Variants in DPT observed in about 807,000 individuals in gnomAD.
The protein encoded by DPT is tyrosine-rich acidic matrix protein.
DPT carries 21 observed loss-of-function variants against 31.2 expected under a neutral mutation model. The observed-to-expected ratio is 0.67, with a 90% CI of 0.48 to 0.97. The LOEUF is 0.97. DPT is among the 50% of genes least tolerant of loss of function. The pLI is 0.00. For missense variants in DPT, 262 were observed against 258.8 expected, an observed-to-expected ratio of 1.01 and a Z score of -0.08; for synonymous variants, 91 against 86.9, an observed-to-expected ratio of 1.05 and a Z score of -0.26.
chr1:168,721,895 T>C (rs1473116412), intron 1 of DPT, among the ~76,000 whole-genome samples: 1 of 152,202 alleles, frequency 6.6e-6, no homozygotes, highest in Non-Finnish European at 1.5e-5. Flanking sequence ...TGCTGTCTTC[T>C]CCATGTCCAG....
At chr1:168,698,610 C>G (rs1649515896) in intron 3 of DPT, among the ~76,000 whole-genome samples, 1 of 151,964 alleles carries the variant, frequency 6.6e-6, no homozygotes, top group South Asian at 2.1e-4. Flanking sequence ...AAATTTGCTC[C>G]CCAAGGGAAT....
rs532753768 is a variant in DPT at position 168,706,192 on chromosome 1, G to T, written c.432-5068C>A. On this transcript the variant is annotated intron_variant, in intron 2 of 3. Coordinates refer to ENST00000367817, the MANE Select transcript of DPT (RefSeq NM_001937.5). ...ATCACTGGTGCATGGAATCAAATAT[G>T]CTTTTATGATCTGGTTCAGAGGTGG... 4.8e-4 allele frequency among the ~76,000 whole-genome samples: 73 copies of T among 152,298 alleles called. 1 individual carries two copies. The highest frequency in any genetic ancestry group is 1.5e-3 in the African/African-American group (64 of 41,564).
At chr1:168,725,254 T>TTTC (rs1557852197) in intron 1 of DPT, among the ~76,000 whole-genome samples, 25 of 33,838 alleles carry the variant, frequency 7.4e-4, no homozygotes, top group African/African-American at 3.2e-3. Flanking sequence ...CTTTCCTTTC[T>TTTC]CTTTCCCTTC....
At chr1:168,702,582 G>A (rs1331324258) in intron 2 of DPT, among the ~76,000 whole-genome samples, 2 of 151,030 alleles carry the variant, frequency 1.3e-5, no homozygotes, top group African/African-American at 2.4e-5. Flanking sequence ...AAGAGATCCA[G>A]AAGCAGGACT....
intron 1 of DPT, among the ~76,000 whole-genome samples, chr1:168,718,745 A>G (rs1412735720): frequency 6.6e-6 from 1 of 152,230 alleles, no homozygotes. Flanking sequence ...GCACATATGT[A>G]TTAAAGTTAT....
intron 2 of DPT, among the ~76,000 whole-genome samples, chr1:168,704,542 G>T (rs1247736615): frequency 6.6e-6 from 1 of 151,872 alleles, no homozygotes; most frequent in Non-Finnish European, 1.5e-5. Flanking sequence ...GCGAGACTCC[G>T]TCTCAAACAA....
chr1:168,711,211 G>A (rs983142931), intron 2 of DPT, among the ~76,000 whole-genome samples: 4 of 151,090 alleles, frequency 2.6e-5, no homozygotes, highest in Admixed American at 1.3e-4. Context: ...AGTAGAGAAC[G>A]GGGTTTCATC....
chr1:168,712,174 G>A (rs1649882100), intron 2 of DPT, among the ~76,000 whole-genome samples: 2 of 152,270 alleles, frequency 1.3e-5, no homozygotes, highest in Admixed American at 6.5e-5. Flanking sequence ...AGGTAGAGAG[G>A]AGCAACTGTA....
At chr1:168,707,101 G>A (rs76685029) in intron 2 of DPT, among the ~76,000 whole-genome samples, 4,185 of 152,306 alleles carry the variant, frequency 0.027, 90 homozygotes, top group African/African-American at 0.045. Flanking sequence ...GAGGCAGATA[G>A]ACTGGTTGAG....
intron 2 of DPT, among the ~76,000 whole-genome samples, chr1:168,707,624 GT>G (rs1236665446): frequency 1.3e-5 from 2 of 152,182 alleles, no homozygotes; most frequent in African/African-American, 4.8e-5. Flanking sequence ...TTGAATTGTG[GT>G]TTCCATAATC....
intron 1 of DPT, among the ~76,000 whole-genome samples, 167 bp from the exon 2 acceptor site, chr1:168,714,513 G>A (rs1352203111): frequency 6.6e-6 from 1 of 152,028 alleles, no homozygotes; most frequent in Non-Finnish European, 1.5e-5. Flanking sequence ...AAATAACATA[G>A]CCCCTCCATT....
Position 168,696,393 on chromosome 1 carries a change from G to T in DPT, c.*156C>A. The T allele has an allele frequency of 1.6e-6, 1 of 620,096 alleles. No homozygotes were observed. The highest frequency in any genetic ancestry group is 2.8e-6 in the Non-Finnish European group (1 of 351,372). The allele number at this position is 620,096 out of a possible 1,614,324, so 38.4% of individuals were successfully genotyped here. Reference sequence around the variant, plus strand: ...TTTATTAGAAGTGTGATACTAGTCAGAAAGGCCCAGGAAGTTGGCATTGCA... The same window carrying T: ...TTTATTAGAAGTGTGATACTAGTCATAAAGGCCCAGGAAGTTGGCATTGCA... On this transcript the variant is annotated 3_prime_UTR_variant, in exon 4 of 4. Coordinates refer to ENST00000367817, the MANE Select transcript of DPT (RefSeq NM_001937.5).
rs1056846301 is a variant in DPT at position 168,711,400 on chromosome 1, CTGT to C, written c.431+2818_431+2820del. On this transcript the variant is annotated intron_variant, in intron 2 of 3. Transcript: ENST00000367817. ...AAGCCTTGAGGCCCAAGCCCACTAT[CTGT>C]TGTTGTTCTGTTTGGGCAGGGGCCA... 1.7e-3 allele frequency among the ~76,000 whole-genome samples: 264 copies of C among 152,294 alleles called. 7 individuals are homozygous for C. The highest frequency in any genetic ancestry group is 2.4e-4 in the Non-Finnish European group (16 of 68,026).
At chr1:168,714,813 A>T (rs1453699988) in intron 1 of DPT, among the ~76,000 whole-genome samples, 2 of 152,258 alleles carry the variant, frequency 1.3e-5, no homozygotes, top group African/African-American at 4.8e-5. Context: ...GAGCCCTGGA[A>T]ATTGAGCACA....
Position 168,700,988 on chromosome 1 carries a change from G to A in DPT, c.539+29C>T, listed in dbSNP as rs533042951. On this transcript the variant is annotated intron_variant, in intron 3 of 3. Coordinates refer to ENST00000367817, the MANE Select transcript of DPT (RefSeq NM_001937.5). The stretch of plus-strand genomic sequence containing the variant: ...GTTAGTCCCAACTCCTTTAACCCTA[G>A]CCCATTGGGAAGGGGCTGTCTTTCT... The A allele has an allele frequency of 8.3e-5, 128 of 1,541,326 alleles. 1 individual carries two copies. The South Asian group carries it at 1.4e-3, about 17-fold the overall frequency.
chr1:168,695,548 A>C lies in DPT; in HGVS notation c.*1001T>G, dbSNP rs956568111. 6.6e-6 allele frequency: 1 copy of C among 151,868 alleles called. No homozygotes were observed. The highest frequency in any genetic ancestry group is 2.1e-4 in the South Asian group (1 of 4,788). The allele number at this position is 151,868 out of a possible 1,614,324, so 9.4% of individuals were successfully genotyped here. On this transcript the variant is annotated 3_prime_UTR_variant, in exon 4 of 4. Coordinates refer to ENST00000367817, the MANE Select transcript of DPT (RefSeq NM_001937.5). ...GCAGGACATCACAGGAGGAGGAAAG[A>C]TAGCGCCATCTCTGCAGAAGAACTC...
intron 1 of DPT, among the ~76,000 whole-genome samples, chr1:168,726,563 A>G (rs1223776597): frequency 6.6e-6 from 1 of 152,198 alleles, no homozygotes; most frequent in Non-Finnish European, 1.5e-5. Flanking sequence ...TCACACCACA[A>G]GTCATTAGAA....
Position 168,700,982 on chromosome 1 carries a change from A to G in DPT, c.539+35T>C, listed in dbSNP as rs765419631. 5 of 1,516,172 alleles carry G rather than the reference A, an allele frequency of 3.3e-6. No homozygotes were observed. In the East Asian group the frequency reaches 9.0e-5, roughly 27 times the overall value. 93.9% of individuals were successfully genotyped at this position (1,516,172 alleles called of 1,614,324 possible). On this transcript the variant is annotated intron_variant, in intron 3 of 3. Coordinates refer to ENST00000367817, the MANE Select transcript of DPT (RefSeq NM_001937.5). ...CAGGGAGTTAGTCCCAACTCCTTTA[A>G]CCCTAGCCCATTGGGAAGGGGCTGT...
At chr1:168,700,767 C>T (rs1649575339) in intron 3 of DPT, among the ~76,000 whole-genome samples, 1 of 152,142 alleles carries the variant, frequency 6.6e-6, no homozygotes, top group African/African-American at 2.4e-5. Context: ...CCCACTGCCT[C>T]CCATTTTCCA....
Sources: allele counts gnomAD v4.1 joint callset (sites outside exome capture counted in the v4.1 genomes callset), GRCh38; gene constraint gnomAD v4.1.1; transcripts MANE v1.5; gene names NCBI Gene and HGNC (gene_info 2026-07-23, HGNC 2026-07-21).